GPC6: variants seen among roughly 807,000 people sequenced by gnomAD.
GPC6 encodes the protein glypican-6.
GPC6 carries 14 observed loss-of-function variants against 55.2 expected under a neutral mutation model. The ratio of observed to expected loss-of-function variants is 0.25; its 90% CI spans 0.17 to 0.40. The LOEUF (loss-of-function observed/expected upper bound fraction) is 0.40. Ranked by LOEUF, GPC6 falls within the 10% of genes least tolerant of loss-of-function variation. GPC6 has a pLI of 1.00. For synonymous variants in GPC6, 278 were observed against 259.6 expected (o/e 1.07, Z -0.68); for missense variants, 641 against 708.5 (o/e 0.90, Z 1.08).
chr13:94,230,106 G>A (rs183186016), intron 4 of GPC6, among the ~76,000 whole-genome samples: 11 of 152,138 alleles, frequency 7.2e-5, no homozygotes, highest in Non-Finnish European at 1.2e-4. Flanking sequence ...CTGAACCTCC[G>A]TTTTTTTAAT....
chr13:93,898,541 G>T (rs533515906), intron 3 of GPC6, among the ~76,000 whole-genome samples: 1 of 151,946 alleles, frequency 6.6e-6, no homozygotes, highest in Admixed American at 6.6e-5. Flanking sequence ...ATTAATCAGC[G>T]GACTGTAACA....
At chr13:93,279,806 A>G (rs1877885705) in intron 1 of GPC6, among the ~76,000 whole-genome samples, 1 of 152,238 alleles carries the variant, frequency 6.6e-6, no homozygotes, top group Non-Finnish European at 1.5e-5. Context: ...GATTGAAAAT[A>G]CAAAAACATT....
At chr13:94,323,322 G>A (rs966756736) in intron 6 of GPC6, among the ~76,000 whole-genome samples, 3 of 151,954 alleles carry the variant, frequency 2.0e-5, no homozygotes, top group Admixed American at 1.3e-4. Context: ...TCTCATTTTC[G>A]GATCTGTAAA....
chr13:94,348,563 C>T (rs1878396329), intron 6 of GPC6, among the ~76,000 whole-genome samples: 1 of 152,138 alleles, frequency 6.6e-6, no homozygotes, highest in East Asian at 1.9e-4. Flanking sequence ...CACATTCTTC[C>T]TTCAACCTGG....
rs183548315 is a variant in GPC6, at chr13:93,880,459, G to A, written c.711+49914G>A. ...AAATCATCATTCTCAGCAAACTATC[G>A]CAAGAACAAAAAACCAAACACCGCA... On this transcript the variant is annotated intron_variant, in intron 3 of 8. Transcript: ENST00000377047. Among the ~76,000 whole-genome samples, 66 of 152,096 alleles carry A rather than the reference G, an allele frequency of 4.3e-4. 1 individual carries two copies. The highest frequency in any genetic ancestry group is 6.3e-4 in the African/African-American group (26 of 41,486).
At chr13:93,420,020 T>C (rs145563815) in intron 1 of GPC6, among the ~76,000 whole-genome samples, 374 of 151,590 alleles carry the variant, frequency 2.5e-3, no homozygotes, top group Non-Finnish European at 4.1e-3. Flanking sequence ...TCTAATAATA[T>C]CCAACCCCAA....
chr13:93,723,981 C>G (rs1418328167), intron 2 of GPC6, among the ~76,000 whole-genome samples: 2 of 151,866 alleles, frequency 1.3e-5, no homozygotes, highest in Non-Finnish European at 2.9e-5. Flanking sequence ...TTGTGTTTTA[C>G]TCCTAAGGGT....
intron 6 of GPC6, among the ~76,000 whole-genome samples, chr13:94,325,844 GT>G: frequency 6.6e-6 from 1 of 152,300 alleles, no homozygotes; most frequent in Admixed American, 6.5e-5. Flanking sequence ...AAGATAACTT[GT>G]TTGGGTAAGC....
intron 2 of GPC6, among the ~76,000 whole-genome samples, chr13:93,679,902 C>T (rs1362281215): frequency 2.0e-5 from 3 of 151,626 alleles, no homozygotes; most frequent in Non-Finnish European, 4.4e-5. Context: ...TTATAATAGG[C>T]TAAAATGGGA....
At chr13:93,683,124 TCCTATG>T (rs1417435993) in intron 2 of GPC6, among the ~76,000 whole-genome samples, 1 of 140,350 alleles carries the variant, frequency 7.1e-6, no homozygotes, top group Admixed American at 7.5e-5. Flanking sequence ...ATTAAGTGGT[TCCTATG>T]AGTATGTCAG....
intron 4 of GPC6, among the ~76,000 whole-genome samples, chr13:94,165,984 ATGTATTCCC>A (rs1274424043): frequency 6.6e-6 from 1 of 152,130 alleles, no homozygotes; most frequent in African/African-American, 2.4e-5. Flanking sequence ...AAAATTTTTC[ATGTATTCCC>A]AAGTATAAGC....
At chr13:94,282,783 G>T (rs984403490) in intron 4 of GPC6, among the ~76,000 whole-genome samples, 3 of 152,206 alleles carry the variant, frequency 2.0e-5, no homozygotes, top group East Asian at 1.9e-4. Context: ...GTAGATTCTT[G>T]TAAGAGACAG....
chr13:93,608,748 G>A (rs1055631523), intron 2 of GPC6, among the ~76,000 whole-genome samples: 1 of 152,220 alleles, frequency 6.6e-6, no homozygotes, highest in Non-Finnish European at 1.5e-5. Context: ...GGGAGAGGAT[G>A]GAGGTGGTGT....
chr13:93,551,875 A>C (rs1875177806), intron 2 of GPC6, among the ~76,000 whole-genome samples: 1 of 152,154 alleles, frequency 6.6e-6, no homozygotes, highest in African/African-American at 2.4e-5. Context: ...ACTACCCCCA[A>C]TATCCTAACA....
intron 4 of GPC6, among the ~76,000 whole-genome samples, chr13:94,170,291 A>T (rs910925979): frequency 4.3e-5 from 6 of 138,346 alleles, no homozygotes; most frequent in African/African-American, 1.6e-4. Flanking sequence ...TCAAATTCTC[A>T]TGCTTGATGG....
intron 2 of GPC6, among the ~76,000 whole-genome samples, chr13:93,578,036 C>A (rs565720367): frequency 1.3e-5 from 2 of 152,160 alleles, no homozygotes; most frequent in African/African-American, 4.8e-5. Flanking sequence ...GTTGAGCCAT[C>A]CTTGGTATGA....
intron 4 of GPC6, among the ~76,000 whole-genome samples, chr13:94,116,294 G>T (rs371916880): frequency 6.6e-6 from 1 of 151,936 alleles, no homozygotes; most frequent in Non-Finnish European, 1.5e-5. Context: ...TGGAAGTTGC[G>T]CTTGATATTG....
At chr13:94,034,385 G>T (rs1033624085) in intron 4 of GPC6, among the ~76,000 whole-genome samples, 5 of 152,130 alleles carry the variant, frequency 3.3e-5, no homozygotes, top group Admixed American at 1.3e-4. Context: ...ATACAATAGG[G>T]TTAATGCCTT....
intron 2 of GPC6, among the ~76,000 whole-genome samples, chr13:93,680,595 C>A (rs1027086754): frequency 1.3e-5 from 2 of 152,086 alleles, no homozygotes; most frequent in Admixed American, 1.3e-4. Context: ...TAAGCCAAAG[C>A]TATAGAACCA....
Sources: allele counts gnomAD v4.1 joint callset (sites outside exome capture counted in the v4.1 genomes callset), GRCh38; gene constraint gnomAD v4.1.1; transcripts MANE v1.5; gene names NCBI Gene and HGNC (gene_info 2026-07-23, HGNC 2026-07-21).